Variants in DYNC2H1 observed in about 807,000 individuals in gnomAD.
The protein encoded by DYNC2H1 is cytoplasmic dynein 2 heavy chain 1.
Under a neutral mutation model 570.0 loss-of-function variants are expected in DYNC2H1, and 410 were observed. The observed-to-expected ratio is 0.72, with a 90% CI of 0.66 to 0.78. The LOEUF (loss-of-function observed/expected upper bound fraction) is 0.78, where lower values mean the gene tolerates loss of function less well. Ranked by LOEUF, DYNC2H1 falls within the 30% of genes least tolerant of loss-of-function variation. The pLI is 0.00. For synonymous variants in DYNC2H1, 1,688 were observed against 1,677.6 expected (o/e 1.01, Z -0.15); for missense variants, 4,865 against 5,046.4 (o/e 0.96, Z 1.09).
At chr11:103,149,692 G>A (rs893496684) in intron 20 of DYNC2H1, among the ~76,000 whole-genome samples, 3 of 152,308 alleles carry the variant, frequency 2.0e-5, no homozygotes, top group Admixed American at 1.3e-4. Context: ...ATCACTTGAT[G>A]TATTCCAGGC....
chr11:103,471,222 G>A (rs1945376105), intron 88 of DYNC2H1, among the ~76,000 whole-genome samples: 1 of 152,180 alleles, frequency 6.6e-6, no homozygotes, highest in South Asian at 2.1e-4. Flanking sequence ...TACATGACAT[G>A]TAATGGAAGA....
intron 1 of DYNC2H1, among the ~76,000 whole-genome samples, chr11:103,112,601 T>C (rs1298786213): frequency 6.6e-6 from 1 of 152,218 alleles, no homozygotes; most frequent in Non-Finnish European, 1.5e-5. Context: ...CATATACTTT[T>C]CATGTGTCAT....
chr11:103,291,530 G>A (rs1591532958), intron 75 of DYNC2H1, among the ~76,000 whole-genome samples: 2 of 152,178 alleles, frequency 1.3e-5, no homozygotes, highest in Admixed American at 1.3e-4. Context: ...ACTTGATTCT[G>A]TAGCTGTTGG....
chr11:103,143,748 C>G (rs1860091503), intron 18 of DYNC2H1, among the ~76,000 whole-genome samples: 1 of 152,096 alleles, frequency 6.6e-6, no homozygotes, highest in African/African-American at 2.4e-5. Context: ...TTTCACTCTG[C>G]TTTTGTACTG....
chr11:103,293,565 T>C (rs1866699262), intron 75 of DYNC2H1, among the ~76,000 whole-genome samples: 1 of 152,160 alleles, frequency 6.6e-6, no homozygotes, highest in African/African-American at 2.4e-5. Flanking sequence ...ATTTGTCCTT[T>C]TGAAGTTATT....
In DYNC2H1 at chr11:103,465,609, A is replaced by T. The variant is rs1294498333; in HGVS notation, c.12649-2980A>T. ...GCTGATTTACTCAGACCCACTCTGC[A>T]TCTGCATTCGGCTAGATCAGTTAGA... On this transcript the variant is annotated intron_variant, in intron 87 of 88. Transcript: ENST00000375735. The surrounding 1 kb of genome is among the most constrained non-coding windows in gnomAD (Gnocchi z 4.9). 6.6e-6 allele frequency among the ~76,000 whole-genome samples: 1 copy of T among 152,162 alleles called. No individual in the cohort carries two copies. The highest frequency in any genetic ancestry group is 2.4e-5 in the African/African-American group (1 of 41,434).
At chr11:103,311,488 A>G (rs1313130319) in intron 78 of DYNC2H1, among the ~76,000 whole-genome samples, 3 of 152,178 alleles carry the variant, frequency 2.0e-5, no homozygotes, top group Non-Finnish European at 2.9e-5. Flanking sequence ...AAATTCAAAT[A>G]GCAACTAGTA....
At chr11:103,270,391 A>C (rs1591502695) in intron 70 of DYNC2H1, among the ~76,000 whole-genome samples, 2 of 152,048 alleles carry the variant, frequency 1.3e-5, no homozygotes, top group Admixed American at 1.3e-4. Flanking sequence ...TCCTATACAT[A>C]TCTATATCTA....
Position 103,280,481 on chromosome 11 carries a change from TA to T in DYNC2H1, c.10761+69del, listed in dbSNP as rs1462176356. On this transcript the variant is annotated intron_variant, in intron 71 of 88. Coordinates refer to ENST00000375735, the MANE Select transcript of DYNC2H1 (RefSeq NM_001377.3). This position sits in a 1 kb window ranked among gnomAD's most constrained non-coding sequence, Gnocchi z 4.7. ...ATTTGTTAATGGGTGGATTTATGTTTAGATTAGAAATTATTTAGGCTAGAAA... is the reference window on the plus strand; with the variant it reads ...ATTTGTTAATGGGTGGATTTATGTTTGATTAGAAATTATTTAGGCTAGAAA... The T allele has an allele frequency of 2.3e-6, 3 of 1,294,508 alleles. No homozygotes were observed. The highest frequency in any genetic ancestry group is 3.3e-6 in the Non-Finnish European group (3 of 917,482). The allele number at this position is 1,294,508 out of a possible 1,614,324, so 80.2% of individuals were successfully genotyped here. A position where few individuals can be genotyped will look rare whatever the true frequency, so the allele number is the denominator to read the frequency against.
intron 85 of DYNC2H1, among the ~76,000 whole-genome samples, chr11:103,448,405 GT>G (rs1287404057): frequency 6.6e-6 from 1 of 152,046 alleles, no homozygotes; most frequent in South Asian, 2.1e-4. Flanking sequence ...CCATTTCTCT[GT>G]GGCTCCAGAT....
intron 73 of DYNC2H1, among the ~76,000 whole-genome samples, chr11:103,285,866 C>T (rs547187159): frequency 3.2e-4 from 48 of 152,210 alleles, no homozygotes; most frequent in East Asian, 1.9e-4. Context: ...GGAGCCTGAC[C>T]GAAGTTTTGA....
At chr11:103,464,871 AC>A (rs1372448470) in intron 87 of DYNC2H1, among the ~76,000 whole-genome samples, 1 of 152,194 alleles carries the variant, frequency 6.6e-6, no homozygotes, top group Non-Finnish European at 1.5e-5. Context: ...ACAACAGTGA[AC>A]CCCAAATTAA....
At position 103,468,549 on chromosome 11, in the gene DYNC2H1, T is replaced by C; in HGVS notation, c.12649-40T>C. The C allele has an allele frequency of 2.7e-6, 4 of 1,482,492 alleles. No individual in the cohort carries two copies. In the South Asian group the frequency reaches 4.7e-5, roughly 17 times the overall value. 91.8% of individuals were successfully genotyped at this position (1,482,492 alleles called of 1,614,324 possible). The stretch of plus-strand genomic sequence containing the variant: ...TAGAGTAACCTCTGACATTTGCGAC[T>C]TTAATGCATATTTTCATGACATATT... On this transcript the variant is annotated intron_variant, in intron 87 of 88. Transcript: ENST00000375735.
chr11:103,156,253 G>A (rs1860812536), intron 25 of DYNC2H1, 135 bp from the exon 26 acceptor site: 5 of 806,128 alleles, frequency 6.2e-6, no homozygotes, highest in South Asian at 2.0e-5. Context: ...GTAAAATAGA[G>A]CCACTTAACT....
intron 84 of DYNC2H1, among the ~76,000 whole-genome samples, chr11:103,411,890 TTTGTA>T (rs2135688941): frequency 6.6e-6 from 1 of 152,228 alleles, no homozygotes; most frequent in Admixed American, 6.5e-5. Context: ...TTTTGAAATA[TTTGTA>T]TTATTTGCAT....
chr11:103,219,916 A>G lies in DYNC2H1; in HGVS notation c.8834A>G (p.Asp2945Gly). 6.6e-7 allele frequency: 1 copy of G among 1,508,228 alleles called. No individual in the cohort carries two copies. Among genetic ancestry groups the G allele is most frequent in the Non-Finnish European group, 8.9e-7 (1 of 1,128,980 alleles). 93.4% of individuals were successfully genotyped at this position (1,508,228 alleles called of 1,614,324 possible). Residue 2945 changes from aspartate (D) to glycine (G), a missense_variant and splice_region_variant, in exon 56 of 89, where the codon GAT becomes GGT. Transcript: ENST00000375735. ...AATGCCACTTAAATATTCTTATAGG[A>G]TGCTAGTGAGCAAAAAACAGAACTT... Reference protein sequence around the residue: ...ALQMITVSMQDASEQKTELER... With the variant: ...ALQMITVSMQGASEQKTELER...
rs375307767 is a variant in DYNC2H1, at chr11:103,135,924, G to A, written c.2550G>A (p.Leu850=). ...AAGCAGAAGATCTGTTTAGAAGATT[G>A]TCAGCTGTTTTACACCAACATAAGG... ...FSKAEDLFRR[L]SAVLHQHKEW... Residue 850 remains leucine, a synonymous_variant, in exon 17 of 89, where the codon TTG becomes TTA. Coordinates refer to ENST00000375735, the MANE Select transcript of DYNC2H1 (RefSeq NM_001377.3). 2,262 of 1,608,564 alleles carry A rather than the reference G, an allele frequency of 1.4e-3. 1 individual carries two copies. The highest frequency in any genetic ancestry group is 2.1e-3 in the Admixed American group (128 of 59,640).
Position 103,143,401 on chromosome 11 carries a change from G to A in DYNC2H1, c.2702+6G>A. 1 of 1,607,798 alleles carries A rather than the reference G, an allele frequency of 6.2e-7. No homozygotes were observed. Among genetic ancestry groups the A allele is most frequent in the South Asian group, 1.1e-5 (1 of 89,702 alleles). On this transcript the variant is annotated splice_donor_region_variant and intron_variant, in intron 18 of 88. Transcript: ENST00000375735. ...GAAGTAGAACGACTTCCAAGGTATTGGAGGTTAATGTAGTACTTACGTACC... is the reference window on the plus strand; with the variant it reads ...GAAGTAGAACGACTTCCAAGGTATTAGAGGTTAATGTAGTACTTACGTACC...
intron 63 of DYNC2H1, among the ~76,000 whole-genome samples, chr11:103,238,697 C>A (rs1408296582): frequency 6.6e-6 from 1 of 152,116 alleles, no homozygotes; most frequent in African/African-American, 2.4e-5. Flanking sequence ...TTTTATTGGT[C>A]TTACAAAGAT....
Sources: allele counts gnomAD v4.1 joint callset (sites outside exome capture counted in the v4.1 genomes callset), GRCh38; gene constraint gnomAD v4.1.1; non-coding constraint Gnocchi (gnomAD v3.1); transcripts MANE v1.5; gene names NCBI Gene and HGNC (gene_info 2026-07-23, HGNC 2026-07-21).